PRKN: variants seen among roughly 807,000 people sequenced by gnomAD.
The protein encoded by PRKN is E3 ubiquitin-protein ligase parkin.
A neutral mutation model predicts 59.5 loss-of-function variants in PRKN; 56 were observed. That is an observed-to-expected ratio of 0.94 (90% CI 0.76 to 1.18). The LOEUF (loss-of-function observed/expected upper bound fraction) is 1.18, where lower values mean the gene tolerates loss of function less well. PRKN is among the 50% of genes most tolerant of loss of function. PRKN has a pLI of 0.00. For synonymous variants in PRKN, 250 were observed against 222.1 expected, an observed-to-expected ratio of 1.13 and a Z score of -1.12; for missense variants, 657 against 596.4, an observed-to-expected ratio of 1.10 and a Z score of -1.06.
intron 7 of PRKN, among the ~76,000 whole-genome samples, chr6:161,580,309 G>C (rs914008811): frequency 6.6e-6 from 1 of 152,176 alleles, no homozygotes; most frequent in South Asian, 2.1e-4. Flanking sequence ...TTGCAGTGCA[G>C]CATCACAAGT....
At chr6:161,619,251 A>AAT (rs1782803519) in intron 7 of PRKN, among the ~76,000 whole-genome samples, 1 of 151,208 alleles carries the variant, frequency 6.6e-6, no homozygotes, top group African/African-American at 2.4e-5. Context: ...AAAAAAAAAA[A>AAT]AAAAAAAAGA....
At chr6:162,355,197 C>A (rs1784799007) in intron 2 of PRKN, among the ~76,000 whole-genome samples, 1 of 151,030 alleles carries the variant, frequency 6.6e-6, no homozygotes, top group South Asian at 2.1e-4. Flanking sequence ...ACTTTATTTA[C>A]AATTTAATTA....
At chr6:162,488,787 C>T (rs2128184321) in intron 1 of PRKN, among the ~76,000 whole-genome samples, 1 of 152,266 alleles carries the variant, frequency 6.6e-6, no homozygotes, top group African/African-American at 2.4e-5. Flanking sequence ...GACACTAGCC[C>T]CTGCCAGGCT....
chr6:162,637,079 A>T (rs1777743041), intron 1 of PRKN, among the ~76,000 whole-genome samples: 1 of 151,766 alleles, frequency 6.6e-6, no homozygotes, highest in Non-Finnish European at 1.5e-5. Context: ...ACATAGTGAA[A>T]CCCCATCTCT....
intron 4 of PRKN, among the ~76,000 whole-genome samples, chr6:162,086,199 G>T (rs1185262395): frequency 6.6e-6 from 1 of 152,024 alleles, no homozygotes; most frequent in African/African-American, 2.4e-5. Flanking sequence ...CACAGTGCTG[G>T]CACCCTAGTT....
rs1788098260 is a variant in PRKN, at chr6:161,739,380, C to T, written c.871+46392G>A. ...CTGAAATTGCACCACTGCACTCCAG[C>T]CTGGGCGACAGCGAGACTATGCCTA... On this transcript the variant is annotated intron_variant, in intron 7 of 11. Coordinates refer to ENST00000366898, the MANE Select transcript of PRKN (RefSeq NM_004562.3). Among the ~76,000 whole-genome samples, 5 of 152,148 alleles carry T rather than the reference C, an allele frequency of 3.3e-5. No homozygotes were observed. The South Asian group carries it at 1.0e-3, about 32-fold the overall frequency.
rs1310591272 is a variant in PRKN at position 161,369,775 on chromosome 6, C to A, written c.1168-9570G>T. Among the ~76,000 whole-genome samples the A allele has an allele frequency of 1.3e-5, 2 of 150,564 alleles. No homozygotes were observed. The highest frequency in any genetic ancestry group is 4.9e-5 in the African/African-American group (2 of 40,938). On this transcript the variant is annotated intron_variant, in intron 10 of 11. Coordinates refer to ENST00000366898, the MANE Select transcript of PRKN (RefSeq NM_004562.3). The surrounding 1 kb of genome is among the most constrained non-coding windows in gnomAD (Gnocchi z 5.8). ...ATATATATGAAACATCTATAATATA[C>A]TTATATATAGATGTTTCATATATAT...
At chr6:161,749,057 T>C (rs1449883101) in intron 7 of PRKN, among the ~76,000 whole-genome samples, 2 of 152,142 alleles carry the variant, frequency 1.3e-5, no homozygotes, top group South Asian at 2.1e-4. Context: ...GAGGGGGTCC[T>C]TGTACTTGGT....
At chr6:162,563,828 A>G (rs143095349) in intron 1 of PRKN, among the ~76,000 whole-genome samples, 2,622 of 152,282 alleles carry the variant, frequency 0.017, 85 homozygotes, top group African/African-American at 0.061. Flanking sequence ...AGAATGAAAT[A>G]ATTAAAAAGA....
At chr6:162,723,366 A>C (rs138968786) in intron 1 of PRKN, among the ~76,000 whole-genome samples, 159 of 152,334 alleles carry the variant, frequency 1.0e-3, no homozygotes, top group African/African-American at 3.7e-3. Flanking sequence ...TCGATGGCAC[A>C]TGGGAGGAAA....
chr6:162,296,719 G>A (rs1350457189), intron 2 of PRKN, among the ~76,000 whole-genome samples: 1 of 152,002 alleles, frequency 6.6e-6, no homozygotes, highest in African/African-American at 2.4e-5. Context: ...ATTAATTTAC[G>A]TATTTAAGAA....
chr6:162,521,047 A>G (rs1778063465), intron 1 of PRKN, among the ~76,000 whole-genome samples: 1 of 152,186 alleles, frequency 6.6e-6, no homozygotes, highest in Admixed American at 6.5e-5. Context: ...TCCAGTTTGC[A>G]ATATCCAGCT....
At chr6:161,505,323 C>G (rs1430464053) in intron 9 of PRKN, among the ~76,000 whole-genome samples, 1 of 150,928 alleles carries the variant, frequency 6.6e-6, no homozygotes, top group Non-Finnish European at 1.5e-5. Context: ...TAAATGTCTT[C>G]TTTTGAGAAG....
At chr6:162,411,077 G>A (rs1208267186) in intron 2 of PRKN, among the ~76,000 whole-genome samples, 2 of 152,084 alleles carry the variant, frequency 1.3e-5, no homozygotes, top group Admixed American at 6.5e-5. Context: ...TACCTACAGC[G>A]ACATGTTATT....
intron 1 of PRKN, among the ~76,000 whole-genome samples, chr6:162,542,084 T>A (rs1223409413): frequency 1.3e-5 from 2 of 152,100 alleles, no homozygotes; most frequent in Non-Finnish European, 2.9e-5. Flanking sequence ...AGTTCCCAGG[T>A]TGCGGAAGGT....
Position 161,352,050 on chromosome 6 carries a change from C to T in PRKN, c.1286-1839G>A, listed in dbSNP as rs1784570706. Among the ~76,000 whole-genome samples the T allele has an allele frequency of 6.6e-6, 1 of 152,158 alleles. No homozygotes were observed. The highest frequency in any genetic ancestry group is 1.5e-5 in the Non-Finnish European group (1 of 68,036). ...AGGAAGTGATTTGTATGAGGATGTA[C>T]AGAGAACTGTTTCTGTCCAAATTTC... is the stretch of plus-strand genomic sequence containing the variant. On this transcript the variant is annotated intron_variant, in intron 11 of 11. Transcript: ENST00000366898. The surrounding 1 kb of genome is among the most constrained non-coding windows in gnomAD (Gnocchi z 5.8).
intron 6 of PRKN, among the ~76,000 whole-genome samples, chr6:161,936,403 G>T (rs1292896113): frequency 6.6e-6 from 1 of 151,898 alleles, no homozygotes; most frequent in South Asian, 2.1e-4. Context: ...TAGAGACAGG[G>T]TTTCATTGTG....
intron 9 of PRKN, among the ~76,000 whole-genome samples, chr6:161,403,480 G>A (rs1333798765): frequency 1.3e-5 from 2 of 152,138 alleles, no homozygotes; most frequent in African/African-American, 2.4e-5. Flanking sequence ...CGCTCATGGG[G>A]TCGGTTATTG....
chr6:162,585,984 C>T (rs143873244), intron 1 of PRKN, among the ~76,000 whole-genome samples: 3,014 of 152,262 alleles, frequency 0.02, 112 homozygotes, highest in African/African-American at 0.07. Flanking sequence ...GGATTACAGG[C>T]ATGAGCCACC....
Sources: gnomAD v4.1 joint callset for allele counts (sites outside exome capture counted in the v4.1 genomes callset) on GRCh38, gnomAD v4.1.1 for gene constraint, Gnocchi (gnomAD v3.1) non-coding constraint, MANE v1.5 for transcripts, NCBI Gene and HGNC (gene_info 2026-07-23, HGNC 2026-07-21) for gene names.